Variants in FARS2 observed in about 807,000 individuals in gnomAD.
FARS2 encodes phenylalanine--tRNA ligase, mitochondrial.
A neutral mutation model predicts 46.4 loss-of-function variants in FARS2; 40 were observed. That is an observed-to-expected ratio of 0.86 (90% CI 0.67 to 1.12). The LOEUF (loss-of-function observed/expected upper bound fraction) is 1.12, where lower values mean the gene tolerates loss of function less well. Among genes scored for constraint, FARS2 ranks in the 50% most tolerant of loss-of-function variants. The pLI is 0.00. For missense variants in FARS2, 513 were observed against 567.9 expected (o/e 0.90, Z 0.98); for synonymous variants, 234 against 214.9 (o/e 1.09, Z -0.78).
chr6:5,539,340 G>A (rs1770427805), intron 4 of FARS2, among the ~76,000 whole-genome samples: 1 of 137,438 alleles, frequency 7.3e-6, no homozygotes, highest in African/African-American at 2.8e-5. Flanking sequence ...CCAAGTAGCT[G>A]GGACTACAGG....
At chr6:5,574,828 C>T (rs1043965121) in intron 5 of FARS2, among the ~76,000 whole-genome samples, 1 of 152,106 alleles carries the variant, frequency 6.6e-6, no homozygotes, top group African/African-American at 2.4e-5. Flanking sequence ...GTTCCAAGAC[C>T]TCTTGCAGAT....
intron 1 of FARS2, among the ~76,000 whole-genome samples, chr6:5,317,435 G>A (rs73718066): frequency 0.016 from 2,370 of 152,266 alleles, 56 homozygotes; most frequent in African/African-American, 0.054. Context: ...AAGCACACAA[G>A]TGCTTCTGCA....
chr6:5,506,601 T>G (rs117519751), intron 4 of FARS2, among the ~76,000 whole-genome samples: 138 of 152,258 alleles, frequency 9.1e-4, no homozygotes, highest in Admixed American at 7.1e-3. Context: ...TGCCTAAGAT[T>G]CCAGACGGGT....
At chr6:5,584,623 C>T (rs1773517429) in intron 5 of FARS2, among the ~76,000 whole-genome samples, 1 of 152,082 alleles carries the variant, frequency 6.6e-6, no homozygotes, top group African/African-American at 2.4e-5. Context: ...TGAAGACAGG[C>T]CATGTTAGAT....
intron 5 of FARS2, among the ~76,000 whole-genome samples, chr6:5,575,043 AT>A (rs1370649466): frequency 1.3e-5 from 2 of 152,334 alleles, no homozygotes; most frequent in East Asian, 3.9e-4. Flanking sequence ...GTTCATTAAC[AT>A]TGAACTCTTG....
At chr6:5,508,979 C>T (rs374086907) in intron 4 of FARS2, among the ~76,000 whole-genome samples, 6 of 152,190 alleles carry the variant, frequency 3.9e-5, no homozygotes, top group East Asian at 1.9e-4. Context: ...TTGAGTTTTG[C>T]GGGCTGGTCT....
chr6:5,743,773 A>C (rs1411536783), intron 6 of FARS2, among the ~76,000 whole-genome samples: 1 of 152,242 alleles, frequency 6.6e-6, no homozygotes, highest in Non-Finnish European at 1.5e-5. Flanking sequence ...AAACATGCTG[A>C]GTTCAAAGTC....
intron 6 of FARS2, among the ~76,000 whole-genome samples, chr6:5,674,193 T>TAAAAAAAAAAAAAAAAAAAAAAAAA (rs71540878): frequency 1.3e-5 from 1 of 76,354 alleles, no homozygotes; most frequent in African/African-American, 4.8e-5. Flanking sequence ...GCATTCTCAT[T>TAAAAAAAAAAAAAAAAAAAAAAAAA]AAAAAAAAAA....
intron 4 of FARS2, among the ~76,000 whole-genome samples, chr6:5,444,819 C>G (rs1290513566): frequency 6.6e-6 from 1 of 152,056 alleles, no homozygotes; most frequent in South Asian, 2.1e-4. Context: ...GAAGCTTGCT[C>G]GTGGCTCTTT....
intron 6 of FARS2, among the ~76,000 whole-genome samples, chr6:5,636,518 G>T (rs1387912091): frequency 6.6e-6 from 1 of 152,218 alleles, no homozygotes; most frequent in African/African-American, 2.4e-5. Flanking sequence ...AATGATAGAG[G>T]TAGTCTTTCA....
intron 4 of FARS2, among the ~76,000 whole-genome samples, chr6:5,456,230 C>G (rs77695388): frequency 6.6e-6 from 1 of 151,656 alleles, no homozygotes; most frequent in Non-Finnish European, 1.5e-5. Flanking sequence ...AAACAAAAAG[C>G]AAAAAATAAA....
intron 6 of FARS2, among the ~76,000 whole-genome samples, chr6:5,614,405 C>CGTCTTTTTTTTTTTTTTTTT (rs1561753252): frequency 2.7e-5 from 4 of 147,356 alleles, no homozygotes; most frequent in African/African-American, 1.0e-4. Flanking sequence ...CTGTTTCCTT[C>CGTCTTTTTTTTTTTTTTTTT]TTTGTCTTTT....
intron 4 of FARS2, among the ~76,000 whole-genome samples, chr6:5,527,464 G>T (rs879928276): frequency 6.6e-6 from 1 of 152,138 alleles, no homozygotes; most frequent in Non-Finnish European, 1.5e-5. Flanking sequence ...TGTTAATAAG[G>T]AATTTAATAA....
chr6:5,327,066 T>C (rs1338068283), intron 1 of FARS2, among the ~76,000 whole-genome samples: 1 of 152,206 alleles, frequency 6.6e-6, no homozygotes, highest in African/African-American at 2.4e-5. Context: ...AGCTGCTCCT[T>C]AGGCGTGATT....
intron 1 of FARS2, among the ~76,000 whole-genome samples, chr6:5,283,521 C>T (rs1044333480): frequency 4.1e-5 from 6 of 148,044 alleles, no homozygotes; most frequent in Non-Finnish European, 5.9e-5. Context: ...TGCACTCCAG[C>T]CTGGGCAACA....
Position 5,421,717 on chromosome 6 carries a change from A to G in FARS2, c.773-9324A>G, listed in dbSNP as rs201270102. Among the ~76,000 whole-genome samples the G allele has an allele frequency of 7.2e-5, 11 of 152,348 alleles. No individual in the cohort carries two copies. In the East Asian group the frequency reaches 1.7e-3, roughly 24 times the overall value. Reference sequence around the variant, plus strand: ...AAATGCTGCCAGTCTCTTTGCTAAAACATAACAAAAGTTACTTTGCTCCAT... The same window carrying G: ...AAATGCTGCCAGTCTCTTTGCTAAAGCATAACAAAAGTTACTTTGCTCCAT... On this transcript the variant is annotated intron_variant, in intron 3 of 6. Transcript: ENST00000274680.
intron 6 of FARS2, among the ~76,000 whole-genome samples, chr6:5,724,038 C>T (rs968614776): frequency 1.3e-5 from 2 of 152,184 alleles, no homozygotes; most frequent in Admixed American, 6.5e-5. Flanking sequence ...AAGGAAGGGC[C>T]GCCCCAGTGG....
At chr6:5,341,014 G>T (rs1404407431) in intron 1 of FARS2, among the ~76,000 whole-genome samples, 1 of 151,048 alleles carries the variant, frequency 6.6e-6, no homozygotes, top group Non-Finnish European at 1.5e-5. Context: ...CAGGCATGGT[G>T]ACGTGCGCCT....
chr6:5,279,608 G>A (rs775712630), intron 1 of FARS2, among the ~76,000 whole-genome samples: 2 of 149,966 alleles, frequency 1.3e-5, no homozygotes, highest in African/African-American at 4.9e-5. Context: ...TATAAAATAA[G>A]GAAGACGAGA....
Sources: gnomAD v4.1 joint callset for allele counts (sites outside exome capture counted in the v4.1 genomes callset) on GRCh38, gnomAD v4.1.1 for gene constraint, MANE v1.5 for transcripts, NCBI Gene and HGNC (gene_info 2026-07-23, HGNC 2026-07-21) for gene names.